GOLIM4: variants seen among roughly 807,000 people sequenced by gnomAD.
GOLIM4 encodes the protein golgi integral membrane protein 4, also known as 130 kDa golgi-localized phosphoprotein.
A neutral mutation model predicts 107.4 loss-of-function variants in GOLIM4; 71 were observed. That is an observed-to-expected ratio of 0.66 (90% CI 0.55 to 0.81). The LOEUF is 0.81. Ranked by LOEUF, GOLIM4 falls within the 30% of genes least tolerant of loss-of-function variation. The probability of loss-of-function intolerance (pLI) is 0.00; values close to 1 mark genes in which losing one functional copy is unlikely to be tolerated. For missense variants in GOLIM4, 830 were observed against 826.1 expected (o/e 1.00, Z -0.06); for synonymous variants, 327 against 294.8 (o/e 1.11, Z -1.12).
intron 1 of GOLIM4, among the ~76,000 whole-genome samples, chr3:168,053,160 T>C (rs1285614833): frequency 6.6e-6 from 1 of 152,220 alleles, no homozygotes; most frequent in Non-Finnish European, 1.5e-5. Flanking sequence ...CTGACTTCCA[T>C]TTGAAAGTCA....
chr3:168,082,151 GA>G (rs1376793638), intron 1 of GOLIM4, among the ~76,000 whole-genome samples: 1 of 152,092 alleles, frequency 6.6e-6, no homozygotes, highest in Non-Finnish European at 1.5e-5. Context: ...TTCTGTCTTG[GA>G]AAAAGACACA....
intron 8 of GOLIM4, among the ~76,000 whole-genome samples, chr3:168,036,404 G>A (rs1718654148): frequency 6.6e-6 from 1 of 152,178 alleles, no homozygotes; most frequent in South Asian, 2.1e-4. Context: ...AGCCAGGCGT[G>A]GTGGCGGGCG....
intron 1 of GOLIM4, among the ~76,000 whole-genome samples, chr3:168,093,255 T>C (rs1343889458): frequency 6.6e-6 from 1 of 152,216 alleles, no homozygotes; most frequent in Non-Finnish European, 1.5e-5. Flanking sequence ...TATTTTCTTG[T>C]TTTATTTGGC....
chr3:168,027,045 C>T (rs1718029070), intron 12 of GOLIM4, among the ~76,000 whole-genome samples: 1 of 152,228 alleles, frequency 6.6e-6, no homozygotes, highest in South Asian at 2.1e-4. Flanking sequence ...GGAACAGACT[C>T]ACTAAACATT....
chr3:168,053,353 G>A (rs79881998), intron 1 of GOLIM4, among the ~76,000 whole-genome samples: 2,734 of 152,320 alleles, frequency 0.018, 84 homozygotes, highest in African/African-American at 0.063. Flanking sequence ...GAAATAGCCT[G>A]TGAAATTTTG....
At chr3:168,050,366 AG>A (rs886358141) in intron 1 of GOLIM4, among the ~76,000 whole-genome samples, 9 of 152,330 alleles carry the variant, frequency 5.9e-5, no homozygotes, top group African/African-American at 2.2e-4. Flanking sequence ...TACTACTAAT[AG>A]CCCCATCTTA....
intron 14 of GOLIM4, among the ~76,000 whole-genome samples, chr3:168,012,913 C>T (rs1434731223): frequency 2.0e-5 from 3 of 151,492 alleles, no homozygotes; most frequent in Admixed American, 6.6e-5. Context: ...AAGGAACAAC[C>T]GGAACCAGCC....
rs752798300 is a variant in GOLIM4 at position 168,043,520 on chromosome 3, C to T, written c.376G>A (p.Glu126Lys). ...TCACTGTGCTGTTTCTTTAGCTCCTCGTGTTGGCTCTGCAAAGATGAAAAC... is the reference window on the plus strand; with the variant it reads ...TCACTGTGCTGTTTCTTTAGCTCCTTGTGTTGGCTCTGCAAAGATGAAAAC... ...VQHQMLKSQH[E>K]ELKKQHSDLE... Residue 126 changes from glutamate to lysine, a missense_variant, in exon 5 of 16, where the codon GAG becomes AAG. Glu to Lys is a moderately conservative substitution (Grantham distance 56). Transcript: ENST00000470487. The T allele has an allele frequency of 3.7e-6, 6 of 1,605,382 alleles. No individual in the cohort carries two copies. The East Asian group carries it at 9.0e-5, about 24-fold the overall frequency.
chr3:168,060,153 A>G (rs1413681376), intron 1 of GOLIM4, among the ~76,000 whole-genome samples: 2 of 151,446 alleles, frequency 1.3e-5, no homozygotes, highest in African/African-American at 2.4e-5. Flanking sequence ...TAGGCTGGAC[A>G]TGAACTCTTA....
chr3:168,052,423 T>A (rs1189434940), intron 1 of GOLIM4, among the ~76,000 whole-genome samples: 1 of 152,082 alleles, frequency 6.6e-6, no homozygotes, highest in East Asian at 1.9e-4. Context: ...CACAGATGTA[T>A]ACACACACAT....
chr3:168,014,657 C>A (rs1405043514), intron 14 of GOLIM4, among the ~76,000 whole-genome samples: 2 of 141,048 alleles, frequency 1.4e-5, no homozygotes, highest in African/African-American at 3.2e-5. Context: ...ACTGGCAAAA[C>A]GAATACAGCA....
At chr3:168,070,415 C>CA (rs1356201949) in intron 1 of GOLIM4, among the ~76,000 whole-genome samples, 2 of 152,172 alleles carry the variant, frequency 1.3e-5, no homozygotes. Flanking sequence ...AACAAACAAA[C>CA]AAAAAATCCA....
intron 7 of GOLIM4, among the ~76,000 whole-genome samples, chr3:168,039,730 TCAG>T (rs1281591128): frequency 6.6e-6 from 1 of 152,188 alleles, no homozygotes; most frequent in East Asian, 1.9e-4. Context: ...AGCACTCAAA[TCAG>T]TTTGTCACAT....
At chr3:168,044,742 C>G in intron 4 of GOLIM4, 86 bp downstream of exon 4, 1 of 754,466 alleles carries the variant, frequency 1.3e-6, no homozygotes, top group Non-Finnish European at 2.2e-6. Context: ...TGTAAACTTT[C>G]TTTAATCACT....
chr3:168,010,966 T>A, intron 14 of GOLIM4, 143 bp from the exon 15 acceptor site: 1 of 660,984 alleles, frequency 1.5e-6, no homozygotes, highest in East Asian at 2.6e-5. Flanking sequence ...AGAAGCAAAA[T>A]TAAAGTAAAT....
In GOLIM4 at chr3:168,095,493, C is replaced by A. The variant is rs1223263899; in HGVS notation, c.-208G>T. ...GCAGCCATCGACGCCGCCCGGGCAG[C>A]TGCAGCCAAACTTCTGCGAGGCTCG... On this transcript the variant is annotated 5_prime_UTR_variant, in exon 1 of 16. Coordinates refer to ENST00000470487, the MANE Select transcript of GOLIM4 (RefSeq NM_014498.5). 1.5e-5 allele frequency: 8 copies of A among 524,742 alleles called. 1 individual carries two copies. Among genetic ancestry groups the A allele is most frequent in the Non-Finnish European group, 2.7e-5 (8 of 300,116 alleles). The allele number at this position is 524,742 out of a possible 1,614,324, so 32.5% of individuals were successfully genotyped here.
At chr3:168,024,855 A>C in intron 13 of GOLIM4, 73 bp downstream of exon 13, 100 of 1,445,016 alleles carry the variant, frequency 6.9e-5, no homozygotes, top group Non-Finnish European at 9.0e-5. Context: ...GAATATGACT[A>C]ACCTTTTACA....
At chr3:168,045,820 C>G (rs943681451) in intron 3 of GOLIM4, among the ~76,000 whole-genome samples, 1 of 152,176 alleles carries the variant, frequency 6.6e-6, no homozygotes, top group Non-Finnish European at 1.5e-5. Flanking sequence ...TTGGTTAGTG[C>G]TGTTAAAAGC....
At chr3:168,072,235 T>C (rs1720870719) in intron 1 of GOLIM4, among the ~76,000 whole-genome samples, 1 of 152,196 alleles carries the variant, frequency 6.6e-6, no homozygotes, top group Non-Finnish European at 1.5e-5. Flanking sequence ...CCAAGGCATT[T>C]GTCACTGGTC....
Sources: gnomAD v4.1 joint callset for allele counts (sites outside exome capture counted in the v4.1 genomes callset) on GRCh38, gnomAD v4.1.1 for gene constraint, MANE v1.5 for transcripts, NCBI Gene and HGNC (gene_info 2026-07-23, HGNC 2026-07-21) for gene names.